LACTBL1: variants seen among roughly 807,000 people sequenced by gnomAD.
LACTBL1 encodes the protein beta-lactamase-like protein 1.
In LACTBL1, 29 loss-of-function variants were observed where a neutral mutation model predicts 39.6. The ratio of observed to expected loss-of-function variants is 0.73; its 90% CI spans 0.55 to 1.00. The LOEUF is 1.00. Among genes scored for constraint, LACTBL1 ranks in the 50% least tolerant of loss-of-function variants. The probability of loss-of-function intolerance (pLI) is 0.00; values close to 1 mark genes in which losing one functional copy is unlikely to be tolerated. For synonymous variants in LACTBL1, 361 were observed against 360.7 expected, an observed-to-expected ratio of 1.00 and a Z score of -0.01; for missense variants, 711 against 748.5, an observed-to-expected ratio of 0.95 and a Z score of 0.59.
chr1:22,957,474 G>A (rs181801680), intron 4 of LACTBL1, among the ~76,000 whole-genome samples: 8 of 152,178 alleles, frequency 5.3e-5, no homozygotes, highest in African/African-American at 1.7e-4. Context: ...TAAATTCCCA[G>A]CATTGATGGG....
intron 4 of LACTBL1, among the ~76,000 whole-genome samples, chr1:22,956,183 G>A (rs1488623186): frequency 1.3e-5 from 2 of 151,990 alleles, no homozygotes; most frequent in Non-Finnish European, 2.9e-5. Context: ...GACCAGCCTT[G>A]GCACCATAGC....
At chr1:22,969,705 A>G (rs563692121), upstream of LACTBL1, among the ~76,000 whole-genome samples, 1 of 142,404 alleles carries the variant, frequency 7.0e-6, no homozygotes, top group East Asian at 2.1e-4. Context: ...GTTTCCTTTT[A>G]TCCTTTTCCA....
chr1:22,953,389 T>C (rs570848600), exon 6 of LACTBL1: 1 of 1,227,880 alleles, frequency 8.1e-7, no homozygotes, highest in Non-Finnish European at 1.0e-6. Flanking sequence ...GAAGGTGAAG[T>C]AGCCGGCGAA....
At chr1:22,959,546 G>A (rs1640796894) in intron 3 of LACTBL1, among the ~76,000 whole-genome samples, 2 of 152,246 alleles carry the variant, frequency 1.3e-5, no homozygotes, top group Non-Finnish European at 2.9e-5. Context: ...GCAACAGAAT[G>A]TCCCCATCTG....
chr1:22,963,306 A>G lies in LACTBL1; in HGVS notation c.50-90T>C, dbSNP rs1379159452. 6 of 683,780 alleles carry G rather than the reference A, an allele frequency of 8.8e-6. No individual in the cohort carries two copies. The East Asian group carries it at 2.1e-4, about 23-fold the overall frequency. 42.4% of individuals were successfully genotyped at this position (683,780 alleles called of 1,614,324 possible). ...GCAGCAAAGGCCAGAGCAGTGCCTC[A>G]AGGACAGCCCTCCCCAGCCGAGCCG... On this transcript the variant is annotated intron_variant, in intron 1 of 5. Transcript: ENST00000426928.
At chr1:22,964,897 T>C (rs1640861755) in intron 1 of LACTBL1, among the ~76,000 whole-genome samples, 1 of 152,212 alleles carries the variant, frequency 6.6e-6, no homozygotes, top group Non-Finnish European at 1.5e-5. Context: ...CTGTGAGTTG[T>C]TCCTATTGAG....
rs1640750192 is a variant in LACTBL1, at chr1:22,955,313, C to T, written c.659+8G>A. On this transcript the variant is annotated splice_region_variant and intron_variant, in intron 5 of 5. Transcript: ENST00000426928. ...ACATGAGGCTGGGCATCAGGGTATG[C>T]TCCTCACCTGGTTCCCGGGTCCACT... 1 of 1,548,432 alleles carries T rather than the reference C, an allele frequency of 6.5e-7. No homozygotes were observed. Among genetic ancestry groups the T allele is most frequent in the Admixed American group, 2.0e-5 (1 of 50,978 alleles).
intron 2 of LACTBL1, among the ~76,000 whole-genome samples, chr1:22,961,160 T>G (rs2124233001): frequency 6.6e-6 from 1 of 152,260 alleles, no homozygotes; most frequent in East Asian, 1.9e-4. Flanking sequence ...TATTGGACAT[T>G]TAGAATGTGC....
intron 1 of LACTBL1, 56 bp from the exon 4 acceptor site, chr1:22,963,272 G>A: frequency 1.9e-6 from 2 of 1,054,382 alleles, no homozygotes; most frequent in Non-Finnish European, 2.5e-6. Flanking sequence ...GGAATCTAGG[G>A]GGAAAGTGGC....
intron 2 of LACTBL1, among the ~76,000 whole-genome samples, chr1:22,961,833 G>A (rs764632618): frequency 2.1e-4 from 32 of 151,790 alleles, no homozygotes; most frequent in Non-Finnish European, 3.5e-4. Flanking sequence ...TGCAACCTCC[G>A]CCTCCTGGGT....
At chr1:22,954,106 C>G in intron 5 of LACTBL1, 82 bp from the exon 8 acceptor site, 1 of 1,449,340 alleles carries the variant, frequency 6.9e-7, no homozygotes, top group Non-Finnish European at 9.1e-7. Flanking sequence ...TTTCATGGGA[C>G]TGGGCGGGGC....
upstream of LACTBL1, among the ~76,000 whole-genome samples, chr1:22,968,898 GAC>G (rs1363266182): frequency 3.9e-5 from 6 of 152,244 alleles, no homozygotes; most frequent in East Asian, 7.7e-4. Flanking sequence ...ATTGTTTTGA[GAC>G]AGTCTCACTC....
chr1:22,955,199 G>T, intron 5 of LACTBL1, 122 bp downstream of exon 7: 1 of 705,070 alleles, frequency 1.4e-6, no homozygotes, highest in Non-Finnish European at 2.4e-6. Flanking sequence ...CTTTGCAGCT[G>T]GGGAGCAGGT....
chr1:22,970,012 A>G (rs1033455103), upstream of LACTBL1, among the ~76,000 whole-genome samples: 4 of 152,102 alleles, frequency 2.6e-5, no homozygotes, highest in African/African-American at 9.7e-5. Flanking sequence ...GTCAGTTGTA[A>G]CTCTGGACAA....
chr1:22,970,414 A>G, the LACTBL1 span, among the ~76,000 whole-genome samples: 1 of 152,240 alleles, frequency 6.6e-6, no homozygotes, highest in African/African-American at 2.4e-5. Flanking sequence ...AATGATAGGA[A>G]CAGAAAACAA....
chr1:22,961,174 G>A (rs773089680), intron 2 of LACTBL1, among the ~76,000 whole-genome samples: 3 of 152,156 alleles, frequency 2.0e-5, no homozygotes, highest in Non-Finnish European at 4.4e-5. Context: ...AATGTGCCAG[G>A]CATGGCATAA....
exon 6 of LACTBL1, chr1:22,953,531 G>A (rs1192180330): frequency 8.1e-7 from 1 of 1,239,874 alleles, no homozygotes; most frequent in East Asian, 3.2e-5. Flanking sequence ...GCCAGCAGCA[G>A]CACCAGGCCC....
chr1:22,968,110 C>T (rs576353292), upstream of LACTBL1, among the ~76,000 whole-genome samples: 43 of 152,014 alleles, frequency 2.8e-4, no homozygotes, highest in Non-Finnish European at 5.3e-4. Context: ...TTTTTTTGAA[C>T]GTAAATAAAT....
exon 6 of LACTBL1, chr1:22,953,872 G>A: frequency 4.5e-6 from 7 of 1,549,020 alleles, no homozygotes; most frequent in Non-Finnish European, 4.4e-6. Context: ...GGCCAGGCGC[G>A]CGCGCACGTC....
Sources: allele counts gnomAD v4.1 joint callset (sites outside exome capture counted in the v4.1 genomes callset), GRCh38; gene constraint gnomAD v4.1.1; transcripts MANE v1.5; gene names NCBI Gene and HGNC (gene_info 2026-07-23, HGNC 2026-07-21).